ANKRD27: variants seen among roughly 807,000 people sequenced by gnomAD.
The protein encoded by ANKRD27 is ankyrin repeat domain-containing protein 27.
A neutral mutation model predicts 129.7 loss-of-function variants in ANKRD27; 112 were observed. That is an observed-to-expected ratio of 0.86 (90% CI 0.74 to 1.01). The LOEUF (loss-of-function observed/expected upper bound fraction) is 1.01, where lower values mean the gene tolerates loss of function less well. Ranked by LOEUF, ANKRD27 falls within the 50% of genes least tolerant of loss-of-function variation. ANKRD27 has a pLI of 0.00. For missense variants in ANKRD27, 1,258 were observed against 1,300.5 expected (o/e 0.97, Z 0.50); for synonymous variants, 516 against 511.2 (o/e 1.01, Z -0.13).
At position 32,633,357 on chromosome 19, in the gene ANKRD27, G is replaced by A. The variant is rs57072114; in HGVS notation, c.1117-1863C>T. On this transcript the variant is annotated intron_variant, in intron 12 of 28. Transcript: ENST00000306065. Reference sequence around the variant, plus strand: ...TTTTTTTTTTTTTTTTTTTGAGACGGGGTCTTGCTCTGTCTCCCAAGCTGG... The same window carrying A: ...TTTTTTTTTTTTTTTTTTTGAGACGAGGTCTTGCTCTGTCTCCCAAGCTGG... 2.0e-3 allele frequency among the ~76,000 whole-genome samples: 297 copies of A among 148,658 alleles called. 2 individuals are homozygous for A. Among genetic ancestry groups the A allele is most frequent in the African/African-American group, 6.9e-3 (279 of 40,392 alleles).
At chr19:32,628,648 C>A in intron 14 of ANKRD27, 74 bp downstream of exon 14, 3 of 1,583,958 alleles carry the variant, frequency 1.9e-6, no homozygotes, top group Non-Finnish European at 2.6e-6. Context: ...AGTCACACAG[C>A]GCACAGTGGA....
rs535574771 is a variant in ANKRD27 at position 32,656,103 on chromosome 19, G to GAAAGA, written c.102+2806_102+2810dup. Among the ~76,000 whole-genome samples the GAAAGA allele has an allele frequency of 3.8e-3, 472 of 123,310 alleles. 11 individuals are homozygous for GAAAGA. The highest frequency in any genetic ancestry group is 0.013 in the Middle Eastern group (3 of 228). 80.9% of individuals were successfully genotyped at this position (123,310 alleles called of 152,430 possible). A position where few individuals can be genotyped will look rare whatever the true frequency, so the allele number is the denominator to read the frequency against. Reference sequence around the variant, plus strand: ...AGAAAGAAAGAAAGAAAGAAAGAAAGAAAGAAAAGAAAAGAAAAGAAAAGA... The same window carrying GAAAGA: ...AGAAAGAAAGAAAGAAAGAAAGAAAGAAAGAAAAGAAAAGAAAAGAAAAGAAAAGA... On this transcript the variant is annotated intron_variant, in intron 2 of 28. Transcript: ENST00000306065.
intron 23 of ANKRD27, among the ~76,000 whole-genome samples, chr19:32,606,765 G>A (rs1971745738): frequency 6.6e-6 from 1 of 151,698 alleles, no homozygotes; most frequent in Admixed American, 6.6e-5. Flanking sequence ...GTTAACAGTA[G>A]AACTGATAAA....
intron 22 of ANKRD27, chr19:32,608,351 C>T: frequency 3.4e-6 from 1 of 296,930 alleles, no homozygotes; most frequent in South Asian, 2.9e-5. Flanking sequence ...GTAGAGCCTC[C>T]AAATTTCCTT....
intron 5 of ANKRD27, 91 bp downstream of exon 5, chr19:32,644,234 C>T (rs1568412584): frequency 1.4e-6 from 2 of 1,408,304 alleles, no homozygotes; most frequent in East Asian, 2.3e-5. Flanking sequence ...TGAGGCAGCA[C>T]CAGGCAGTTC....
intron 22 of ANKRD27, among the ~76,000 whole-genome samples, chr19:32,614,590 G>A (rs754801590): frequency 5.3e-5 from 8 of 152,100 alleles, no homozygotes; most frequent in South Asian, 2.1e-4. Flanking sequence ...TATGGTCCCC[G>A]CTACACAGGA....
chr19:32,646,172 T>A (rs913008544), intron 4 of ANKRD27, among the ~76,000 whole-genome samples: 2 of 152,170 alleles, frequency 1.3e-5, no homozygotes, highest in African/African-American at 4.8e-5. Flanking sequence ...CCTCAAGTAA[T>A]CTGCCTGCCT....
At chr19:32,642,955 A>T in intron 9 of ANKRD27, 168 bp downstream of exon 9, 1 of 670,338 alleles carries the variant, frequency 1.5e-6, no homozygotes, top group Non-Finnish European at 2.5e-6. Context: ...ACACACAGTC[A>T]CCTATAAAGG....
At chr19:32,615,913 C>A in intron 21 of ANKRD27, 133 bp from the exon 22 acceptor site, 1 of 1,243,482 alleles carries the variant, frequency 8.0e-7, no homozygotes, top group Non-Finnish European at 1.1e-6. Context: ...CCATTTATAA[C>A]CGGCTTCTGC....
intron 24 of ANKRD27, 119 bp from the exon 25 acceptor site, chr19:32,604,543 C>T: frequency 8.9e-7 from 1 of 1,118,278 alleles, no homozygotes; most frequent in Non-Finnish European, 1.2e-6. Flanking sequence ...TGAAAGTTTC[C>T]TTAAAATTTG....
At chr19:32,631,566 AC>A in intron 12 of ANKRD27, 72 bp from the exon 13 acceptor site, 1 of 1,216,312 alleles carries the variant, frequency 8.2e-7, no homozygotes, top group Non-Finnish European at 1.2e-6. Flanking sequence ...CTCAGCAACA[AC>A]CCCGGCTGTC....
At chr19:32,639,519 T>C (rs1967155699) in intron 11 of ANKRD27, 31 bp from the exon 12 acceptor site, 2 of 1,606,444 alleles carry the variant, frequency 1.2e-6, no homozygotes, top group Non-Finnish European at 1.7e-6. Flanking sequence ...GTTATGTTGT[T>C]GTCTATCCAA....
rs556523892 is a variant in ANKRD27 at position 32,613,792 on chromosome 19, C to T, written c.2175+1866G>A. ...GGCACAATCTCGGCTCACTGCAAGCCCTGCCTCCCGGGTTCACGCCATTCT... is the reference window on the plus strand; with the variant it reads ...GGCACAATCTCGGCTCACTGCAAGCTCTGCCTCCCGGGTTCACGCCATTCT... On this transcript the variant is annotated intron_variant, in intron 22 of 28. Transcript: ENST00000306065. Among the ~76,000 whole-genome samples, 761 of 150,686 alleles carry T rather than the reference C, an allele frequency of 5.1e-3. 5 individuals are homozygous for T. The highest frequency in any genetic ancestry group is 8.1e-3 in the Non-Finnish European group (549 of 67,776).
chr19:32,643,261 T>C lies in ANKRD27; in HGVS notation c.705+26A>G, dbSNP rs1967236032. ...AAAAGCACAGAAGAAGGCTTCCATCTTGGGTGATAATAACTGAGAACCTAC... is the reference window on the plus strand; with the variant it reads ...AAAAGCACAGAAGAAGGCTTCCATCCTGGGTGATAATAACTGAGAACCTAC... On this transcript the variant is annotated intron_variant, in intron 8 of 28. Transcript: ENST00000306065. 3 of 1,613,960 alleles carry C rather than the reference T, an allele frequency of 1.9e-6. No homozygotes were observed. In the Admixed American group the frequency reaches 5.0e-5, roughly 27 times the overall value.
chr19:32,619,643 T>G, intron 18 of ANKRD27, 90 bp from the exon 19 acceptor site: 84 of 1,430,420 alleles, frequency 5.9e-5, no homozygotes, highest in Non-Finnish European at 7.5e-5. Context: ...ACTGCCGGCC[T>G]AGCTCCTCGG....
chr19:32,613,394 T>C (rs902732737), intron 22 of ANKRD27, among the ~76,000 whole-genome samples: 23 of 152,290 alleles, frequency 1.5e-4, no homozygotes, highest in Non-Finnish European at 1.9e-4. Context: ...AACCATGGAA[T>C]TGCCATGCAA....
intron 21 of ANKRD27, 76 bp from the exon 22 acceptor site, chr19:32,615,856 T>C (rs2145270072): frequency 3.9e-6 from 6 of 1,545,490 alleles, no homozygotes; most frequent in East Asian, 2.3e-5. Context: ...ACACACACCA[T>C]CAACCGTTCC....
intron 1 of ANKRD27, 132 bp from the exon 2 acceptor site, chr19:32,659,177 C>T (rs75811650): frequency 0.084 from 45,870 of 549,034 alleles, 3,183 homozygotes; most frequent in East Asian, 0.23. Flanking sequence ...CTCACTCTGT[C>T]GCCCAGGCTG....
At chr19:32,607,584 C>T in intron 23 of ANKRD27, 51 bp downstream of exon 23, 1 of 1,580,230 alleles carries the variant, frequency 6.3e-7, no homozygotes, top group Non-Finnish European at 8.6e-7. Context: ...GCACAAGGTC[C>T]TAGCCCAAAG....
Sources: allele counts gnomAD v4.1 joint callset (sites outside exome capture counted in the v4.1 genomes callset), GRCh38; gene constraint gnomAD v4.1.1; transcripts MANE v1.5; gene names NCBI Gene and HGNC (gene_info 2026-07-23, HGNC 2026-07-21).